Variants in CSMD1 observed in about 807,000 individuals in gnomAD.
CSMD1 encodes the protein CUB and Sushi multiple domains 1.
Under a neutral mutation model 417.5 loss-of-function variants are expected in CSMD1, and 213 were observed. That is an observed-to-expected ratio of 0.51 (90% CI 0.46 to 0.57). The LOEUF is 0.57. CSMD1 is among the 20% of genes least tolerant of loss of function. The probability of loss-of-function intolerance (pLI) is 0.00; values close to 1 mark genes in which losing one functional copy is unlikely to be tolerated. For missense variants in CSMD1, 6,923 were observed against 4,529.7 expected (o/e 1.53, Z -15.17); for synonymous variants, 2,862 against 1,736.8 (o/e 1.65, Z -16.11).
At chr8:4,630,894 T>G (rs1471358080) in intron 2 of CSMD1, among the ~76,000 whole-genome samples, 6 of 152,164 alleles carry the variant, frequency 3.9e-5, no homozygotes, top group Non-Finnish European at 8.8e-5. Flanking sequence ...CCTGTGCTGG[T>G]CATATTTGCT....
chr8:3,435,542 G>A (rs77511473), intron 12 of CSMD1, among the ~76,000 whole-genome samples: 7,797 of 151,990 alleles, frequency 0.051, 258 homozygotes, highest in East Asian at 0.16. Flanking sequence ...CCACCTCTCC[G>A]CCTGCATGGA....
chr8:3,268,023 C>A (rs978159756), intron 26 of CSMD1, among the ~76,000 whole-genome samples: 8 of 152,066 alleles, frequency 5.3e-5, no homozygotes, highest in African/African-American at 1.9e-4. Context: ...GTCTGCCCTT[C>A]CTGGTAGTTT....
intron 52 of CSMD1, among the ~76,000 whole-genome samples, chr8:3,017,313 G>A (rs1196266533): frequency 1.3e-5 from 2 of 152,250 alleles, no homozygotes; most frequent in East Asian, 1.9e-4. Flanking sequence ...GCCAATTTCA[G>A]AAGGATATTT....
intron 26 of CSMD1, among the ~76,000 whole-genome samples, chr8:3,273,298 G>C (rs556288528): frequency 4.4e-4 from 67 of 151,966 alleles, no homozygotes; most frequent in African/African-American, 1.5e-3. Context: ...GATCATGGTG[G>C]ATAAGCTTTT....
At position 4,499,040 on chromosome 8, in the gene CSMD1, C is replaced by A. The variant is rs150314374; in HGVS notation, c.303-78975G>T. ...TACCCAGGCATAGAAATATCTAGTA[C>A]AGATCTCTTAAGAATACAGCACTGA... On this transcript the variant is annotated intron_variant, in intron 2 of 69. Transcript: ENST00000635120. Among the ~76,000 whole-genome samples the A allele has an allele frequency of 2.7e-3, 408 of 152,064 alleles. 3 individuals carry two copies. Among genetic ancestry groups the A allele is most frequent in the African/African-American group, 9.3e-3 (384 of 41,462 alleles).
At chr8:4,912,266 G>A (rs374840867) in intron 1 of CSMD1, among the ~76,000 whole-genome samples, 2 of 152,066 alleles carry the variant, frequency 1.3e-5, no homozygotes, top group South Asian at 2.1e-4. Flanking sequence ...AAGAACATGC[G>A]AAGGCAGTAG....
chr8:3,857,083 A>T (rs1804363838), intron 5 of CSMD1, among the ~76,000 whole-genome samples: 3 of 152,352 alleles, frequency 2.0e-5, no homozygotes, highest in East Asian at 1.9e-4. Flanking sequence ...AAAAAAAATT[A>T]AAAATGACTA....
At chr8:4,622,570 G>T (rs1305158555) in intron 2 of CSMD1, among the ~76,000 whole-genome samples, 1 of 152,142 alleles carries the variant, frequency 6.6e-6, no homozygotes, top group Admixed American at 6.6e-5. Context: ...GTGGCAGCTG[G>T]CAAACGCGAC....
chr8:4,655,917 T>C (rs907727502), intron 1 of CSMD1, among the ~76,000 whole-genome samples: 13 of 152,148 alleles, frequency 8.5e-5, no homozygotes, highest in African/African-American at 3.1e-4. Context: ...GTGTGGACAC[T>C]GTGTTAGGCT....
At chr8:4,076,791 G>C (rs568155293) in intron 3 of CSMD1, among the ~76,000 whole-genome samples, 16 of 152,136 alleles carry the variant, frequency 1.1e-4, no homozygotes, top group African/African-American at 3.9e-4. Context: ...AACCATATCA[G>C]AGTATACACC....
intron 3 of CSMD1, among the ~76,000 whole-genome samples, chr8:4,362,713 AAGG>A: frequency 6.6e-6 from 1 of 152,338 alleles, no homozygotes; most frequent in Middle Eastern, 3.4e-3. Flanking sequence ...TGTAAGAGAA[AAGG>A]ACTTTCTTTA....
chr8:3,805,713 T>C (rs1008495890), intron 5 of CSMD1, among the ~76,000 whole-genome samples: 1 of 152,174 alleles, frequency 6.6e-6, no homozygotes, highest in African/African-American at 2.4e-5. Flanking sequence ...CTATCTTTCT[T>C]CTTTTTTTAA....
At chr8:3,948,570 G>C (rs1203073219) in intron 5 of CSMD1, among the ~76,000 whole-genome samples, 1 of 151,990 alleles carries the variant, frequency 6.6e-6, no homozygotes, top group Non-Finnish European at 1.5e-5. Flanking sequence ...TCTTGACTGT[G>C]AACTTGCTCA....
At chr8:3,815,322 G>C (rs1801311251) in intron 5 of CSMD1, among the ~76,000 whole-genome samples, 1 of 152,098 alleles carries the variant, frequency 6.6e-6, no homozygotes, top group Non-Finnish European at 1.5e-5. Context: ...GTTCACTTCT[G>C]AACAAATCAT....
chr8:3,297,715 G>A (rs1247820466), intron 25 of CSMD1, among the ~76,000 whole-genome samples: 1 of 152,134 alleles, frequency 6.6e-6, no homozygotes, highest in East Asian at 1.9e-4. Flanking sequence ...GAAAACCTAA[G>A]ATAATATTTG....
chr8:2,960,555 G>A (rs898021957), intron 62 of CSMD1, among the ~76,000 whole-genome samples: 1 of 152,060 alleles, frequency 6.6e-6, no homozygotes, highest in Non-Finnish European at 1.5e-5. Flanking sequence ...TTTCTCCAAC[G>A]TTCACTGAAG....
chr8:2,986,600 G>A (rs911928355), intron 54 of CSMD1, among the ~76,000 whole-genome samples: 2 of 152,072 alleles, frequency 1.3e-5, no homozygotes, highest in African/African-American at 4.8e-5. Context: ...CACCTCCCGG[G>A]TTCACACCAT....
chr8:4,230,533 C>A (rs1403580797), intron 3 of CSMD1, among the ~76,000 whole-genome samples: 2 of 152,206 alleles, frequency 1.3e-5, no homozygotes, highest in African/African-American at 4.8e-5. Context: ...AGTTTTTAGG[C>A]CAGTTGCTCA....
At chr8:4,857,819 GA>G (rs1801892285) in intron 1 of CSMD1, among the ~76,000 whole-genome samples, 1 of 151,884 alleles carries the variant, frequency 6.6e-6, no homozygotes, top group Non-Finnish European at 1.5e-5. Flanking sequence ...ATTCACAGCC[GA>G]ATTCCACCAG....
Sources: allele counts gnomAD v4.1 joint callset (sites outside exome capture counted in the v4.1 genomes callset), GRCh38; gene constraint gnomAD v4.1.1; transcripts MANE v1.5; gene names NCBI Gene and HGNC (gene_info 2026-07-23, HGNC 2026-07-21).